The following MACROD1 variants were observed in gnomAD, a reference collection of about 807,000 sequenced individuals.
MACROD1 encodes ADP-ribose glycohydrolase MACROD1.
MACROD1 carries 31 observed loss-of-function variants against 41.4 expected under a neutral mutation model. That is an observed-to-expected ratio of 0.75 (90% CI 0.56 to 1.01). MACROD1 has a LOEUF of 1.01. Among genes scored for constraint, MACROD1 ranks in the 50% least tolerant of loss-of-function variants. The probability of loss-of-function intolerance (pLI) is 0.00; values close to 1 mark genes in which losing one functional copy is unlikely to be tolerated. For missense variants in MACROD1, 473 were observed against 460.0 expected, an observed-to-expected ratio of 1.03 and a Z score of -0.26; for synonymous variants, 252 against 203.4, an observed-to-expected ratio of 1.24 and a Z score of -2.03.
chr11:64,156,140 C>G (rs888424096), intron 1 of MACROD1, among the ~76,000 whole-genome samples: 1 of 149,410 alleles, frequency 6.7e-6, no homozygotes, highest in African/African-American at 2.5e-5. Flanking sequence ...ATCAGCTGAG[C>G]GTGGTGGACA....
chr11:64,126,647 G>A (rs1157108141), intron 3 of MACROD1, among the ~76,000 whole-genome samples: 2 of 152,056 alleles, frequency 1.3e-5, no homozygotes, highest in East Asian at 1.9e-4. Context: ...AGAGGAGGAG[G>A]AGACCAGGGA....
intron 10 of MACROD1, 38 bp downstream of exon 10, chr11:63,998,800 A>AGGGCCG: frequency 6.7e-7 from 1 of 1,484,148 alleles, no homozygotes; most frequent in Non-Finnish European, 8.9e-7. Context: ...GGGTTAGTCT[A>AGGGCCG]GGGCCGGGGC....
chr11:64,111,333 G>GC (rs1944858747), intron 3 of MACROD1, among the ~76,000 whole-genome samples: 1 of 152,338 alleles, frequency 6.6e-6, no homozygotes, highest in East Asian at 1.9e-4. Context: ...GACGCTGGGG[G>GC]CCCCCTGGCA....
intron 2 of MACROD1, among the ~76,000 whole-genome samples, chr11:64,151,671 C>T (rs1174599672): frequency 6.6e-6 from 1 of 152,136 alleles, no homozygotes; most frequent in Non-Finnish European, 1.5e-5. Context: ...TTATGGGTCA[C>T]CAGGCCTGCT....
intron 3 of MACROD1, among the ~76,000 whole-genome samples, chr11:64,143,279 G>T (rs2068852686): frequency 6.6e-6 from 1 of 152,226 alleles, no homozygotes; most frequent in South Asian, 2.1e-4. Flanking sequence ...ATGAGGGTTT[G>T]ATTCCCAGCC....
At chr11:64,142,283 A>G (rs1323109819) in intron 3 of MACROD1, among the ~76,000 whole-genome samples, 2 of 152,194 alleles carry the variant, frequency 1.3e-5, no homozygotes, top group Non-Finnish European at 2.9e-5. Context: ...TAATCCGACC[A>G]TGCTGGGAAG....
At chr11:64,058,903 G>T (rs1040273115) in intron 3 of MACROD1, among the ~76,000 whole-genome samples, 1 of 152,178 alleles carries the variant, frequency 6.6e-6, no homozygotes, top group Non-Finnish European at 1.5e-5. Flanking sequence ...CCACACCCAG[G>T]CACAGCTGGA....
At position 64,110,518 on chromosome 11, in the gene MACROD1, T is replaced by C. The variant is rs556391246; in HGVS notation, c.517+40721A>G. ...GAGGCAGGATTTGAACCCAGGCCTC[T>C]CTGTCCTGGAGGTTGGCAGGGGACA... On this transcript the variant is annotated intron_variant, in intron 3 of 10. Coordinates refer to ENST00000255681, the MANE Select transcript of MACROD1 (RefSeq NM_014067.4). 1.6e-4 allele frequency among the ~76,000 whole-genome samples: 24 copies of C among 151,404 alleles called. No individual in the cohort carries two copies. The East Asian group carries it at 4.7e-3, about 29-fold the overall frequency.
chr11:64,077,057 A>G (rs1939264), intron 3 of MACROD1, among the ~76,000 whole-genome samples: 24,994 of 150,840 alleles, frequency 0.17, 2,912 homozygotes, highest in East Asian at 0.41. Flanking sequence ...AGGGCAGGGT[A>G]GGGGGGTCCA....
At chr11:64,094,266 TA>T (rs1944538513) in intron 3 of MACROD1, among the ~76,000 whole-genome samples, 1 of 152,002 alleles carries the variant, frequency 6.6e-6, no homozygotes, top group Admixed American at 6.6e-5. Flanking sequence ...ACGTCTCTAC[TA>T]AAAATACAAA....
chr11:64,039,738 C>T (rs1225466629), intron 3 of MACROD1, among the ~76,000 whole-genome samples: 1 of 152,224 alleles, frequency 6.6e-6, no homozygotes, highest in Non-Finnish European at 1.5e-5. Flanking sequence ...CCCCAGAGCA[C>T]TGCCGCTCCC....
At chr11:64,044,219 A>G (rs925470502) in intron 3 of MACROD1, among the ~76,000 whole-genome samples, 8 of 150,334 alleles carry the variant, frequency 5.3e-5, no homozygotes, top group East Asian at 4.0e-4. Flanking sequence ...CACACTTACT[A>G]TGTACCTGGT....
chr11:64,064,724 GC>G lies in MACROD1; in HGVS notation c.518-49444del, dbSNP rs1943965122. Among the ~76,000 whole-genome samples, 1 of 150,270 alleles carries G rather than the reference GC, an allele frequency of 6.7e-6. No individual in the cohort carries two copies. Among genetic ancestry groups the G allele is most frequent in the Admixed American group, 6.7e-5 (1 of 14,954 alleles). ...CCCTGAGTTCTCCTCTCCCCTCCCT[GC>G]CAGCCCCCCAGCAGGCAGCCAGGCC... On this transcript the variant is annotated intron_variant, in intron 3 of 10. Transcript: ENST00000255681. This position sits in a 1 kb window ranked among gnomAD's most constrained non-coding sequence, Gnocchi z 4.5.
rs779105954 is a variant in MACROD1 at position 64,117,312 on chromosome 11, G to A, written c.517+33927C>T. ...GGACTGGGTGAAGGCACGGGCGGCC[G>A]TGGTCAACGTGCGGGGCCTCATGTG... On this transcript the variant is annotated intron_variant, in intron 3 of 10. Transcript: ENST00000255681. 30 of 1,614,018 alleles carry A rather than the reference G, an allele frequency of 1.9e-5. No homozygotes were observed. The African/African-American group carries it at 2.4e-4, about 13-fold the overall frequency.
At chr11:64,055,981 C>T (rs1028759388) in intron 3 of MACROD1, among the ~76,000 whole-genome samples, 3 of 152,168 alleles carry the variant, frequency 2.0e-5, no homozygotes, top group Admixed American at 6.5e-5. Context: ...GGGAGGGACG[C>T]GCTGTCGGTC....
chr11:64,083,927 G>T (rs1232857965), intron 3 of MACROD1, among the ~76,000 whole-genome samples: 4 of 152,220 alleles, frequency 2.6e-5, no homozygotes, highest in Non-Finnish European at 5.9e-5. Context: ...GTGGGCAGGG[G>T]CACATATGCG....
intron 1 of MACROD1, among the ~76,000 whole-genome samples, chr11:64,163,486 G>A (rs933792230): frequency 2.0e-5 from 3 of 152,156 alleles, no homozygotes; most frequent in Non-Finnish European, 4.4e-5. Flanking sequence ...CAGCTCCATC[G>A]GGGTCTCCTC....
intron 3 of MACROD1, among the ~76,000 whole-genome samples, chr11:64,142,340 G>A (rs563611691): frequency 1.6e-4 from 24 of 152,216 alleles, no homozygotes; most frequent in African/African-American, 5.5e-4. Flanking sequence ...GATCAGCCTG[G>A]GCAACACAGG....
chr11:64,131,787 T>A (rs1241780611), intron 3 of MACROD1, among the ~76,000 whole-genome samples: 4 of 152,212 alleles, frequency 2.6e-5, no homozygotes, highest in Non-Finnish European at 1.5e-5. Context: ...GAGAGCCCCC[T>A]GCCCTGTGGA....
Sources: allele counts gnomAD v4.1 joint callset (sites outside exome capture counted in the v4.1 genomes callset), GRCh38; gene constraint gnomAD v4.1.1; non-coding constraint Gnocchi (gnomAD v3.1); transcripts MANE v1.5; gene names NCBI Gene and HGNC (gene_info 2026-07-23, HGNC 2026-07-21).